Variants in NMT2 observed in about 807,000 individuals in gnomAD.
The protein encoded by NMT2 is N-myristoyltransferase 2, also known as glycylpeptide N-tetradecanoyltransferase 2.
Under a neutral mutation model 65.4 loss-of-function variants are expected in NMT2, and 35 were observed. That is an observed-to-expected ratio of 0.54 (90% CI 0.41 to 0.71). The LOEUF is 0.71. Among genes scored for constraint, NMT2 ranks in the 30% least tolerant of loss-of-function variants. NMT2 has a pLI of 0.00. For missense variants in NMT2, 489 were observed against 611.3 expected (o/e 0.80, Z 2.11); for synonymous variants, 226 against 231.8 (o/e 0.98, Z 0.23).
intron 8 of NMT2, among the ~76,000 whole-genome samples, chr10:15,120,771 A>C (rs567433624): frequency 2.6e-5 from 4 of 152,306 alleles, no homozygotes; most frequent in Admixed American, 6.5e-5. Context: ...GTTCATAGCC[A>C]AGTATTTTCT....
chr10:15,111,157 C>G lies in NMT2; in HGVS notation c.1339-1318G>C, dbSNP rs552216523. 5.9e-5 allele frequency among the ~76,000 whole-genome samples: 9 copies of G among 152,196 alleles called. No homozygotes were observed. The South Asian group carries it at 8.3e-4, about 14-fold the overall frequency. On this transcript the variant is annotated intron_variant, in intron 10 of 11. Transcript: ENST00000378165. ...CATCTCCAGGATTATTAATTATTAG[C>G]CTTTCTAAGTCCTACCTTGGCTGAA...
chr10:15,151,537 C>T lies in NMT2; in HGVS notation c.111-9980G>A, dbSNP rs956521850. ...CCTGGCTTTGTAGACAGTGCAAGGT[C>T]GGAATATAGGAAGAAATATTTTAAA... On this transcript the variant is annotated intron_variant, in intron 1 of 11. Coordinates refer to ENST00000378165, the MANE Select transcript of NMT2 (RefSeq NM_004808.3). 5.9e-5 allele frequency among the ~76,000 whole-genome samples: 9 copies of T among 152,190 alleles called. No homozygotes were observed. In the South Asian group the frequency reaches 6.2e-4, roughly 11 times the overall value.
At chr10:15,133,172 A>G (rs1846344870) in intron 4 of NMT2, 28 bp from the exon 5 acceptor site, 1 of 1,604,874 alleles carries the variant, frequency 6.2e-7, no homozygotes, top group Non-Finnish European at 8.5e-7. Flanking sequence ...TGTCCTATCC[A>G]TGGTGCTCAG....
rs532093099 is a variant in NMT2, at chr10:15,145,244, G to A, written c.111-3687C>T. Among the ~76,000 whole-genome samples, 4 of 152,334 alleles carry A rather than the reference G, an allele frequency of 2.6e-5. 1 individual carries two copies. The South Asian group carries it at 8.3e-4, about 32-fold the overall frequency. On this transcript the variant is annotated intron_variant, in intron 1 of 11. Coordinates refer to ENST00000378165, the MANE Select transcript of NMT2 (RefSeq NM_004808.3). ...TAGATTAGTGGTGGTCAGGGGCTGG[G>A]AAGATGGAGGGCTTGGGCATGATTA...
intron 6 of NMT2, among the ~76,000 whole-genome samples, chr10:15,132,090 C>A (rs1042616985): frequency 6.6e-6 from 1 of 152,098 alleles, no homozygotes; most frequent in Non-Finnish European, 1.5e-5. Context: ...GTCTCGAACT[C>A]CTGACCTCAA....
intron 9 of NMT2, among the ~76,000 whole-genome samples, chr10:15,118,809 A>G (rs895363702): frequency 6.6e-6 from 1 of 152,168 alleles, no homozygotes; most frequent in African/African-American, 2.4e-5. Context: ...ACTGCTCAGG[A>G]CCTTATTGTG....
rs113163812 is a variant in NMT2, at chr10:15,127,587, T to TAAAATAAAATA, written c.999+762_999+763insTATTTTATTTT. On this transcript the variant is annotated intron_variant, in intron 8 of 11. Transcript: ENST00000378165. ...AAAAAAAAATAAATAAATAAATAAA[T>TAAAATAAAATA]AAATAAATAAAATAAAATAAATAAA... Among the ~76,000 whole-genome samples the TAAAATAAAATA allele has an allele frequency of 1.0e-3, 91 of 87,854 alleles. 4 individuals carry two copies. Among genetic ancestry groups the TAAAATAAAATA allele is most frequent in the African/African-American group, 6.3e-3 (86 of 13,642 alleles). The allele number at this position is 87,854 out of a possible 152,430, so 57.6% of individuals were successfully genotyped here. A position where few individuals can be genotyped will look rare whatever the true frequency, so the allele number is the denominator to read the frequency against.
At chr10:15,154,049 G>C (rs769001742) in intron 1 of NMT2, among the ~76,000 whole-genome samples, 2 of 152,210 alleles carry the variant, frequency 1.3e-5, no homozygotes, top group African/African-American at 2.4e-5. Context: ...TTTATCTTTC[G>C]TGAAAAGGTC....
chr10:15,120,837 G>A (rs1207910937), intron 8 of NMT2, among the ~76,000 whole-genome samples: 2 of 152,160 alleles, frequency 1.3e-5, no homozygotes, highest in Non-Finnish European at 2.9e-5. Context: ...TTGTCTAACG[G>A]CAAATGGCTG....
intron 10 of NMT2, among the ~76,000 whole-genome samples, chr10:15,112,224 T>A (rs1157784639): frequency 6.1e-3 from 180 of 29,742 alleles, no homozygotes; most frequent in South Asian, 0.011. Context: ...ATATTTTTTT[T>A]TTTTTTTTTT....
At chr10:15,150,151 C>T (rs1407507005) in intron 1 of NMT2, among the ~76,000 whole-genome samples, 1 of 152,188 alleles carries the variant, frequency 6.6e-6, no homozygotes, top group Non-Finnish European at 1.5e-5. Flanking sequence ...AGGTTCATCA[C>T]ACTACCTGCT....
intron 2 of NMT2, among the ~76,000 whole-genome samples, chr10:15,139,045 C>T (rs1343623977): frequency 2.0e-5 from 3 of 152,064 alleles, no homozygotes; most frequent in African/African-American, 7.2e-5. Context: ...AGCTAGGATA[C>T]AAGCAGGCAG....
intron 1 of NMT2, among the ~76,000 whole-genome samples, chr10:15,167,880 T>C (rs759618388): frequency 9.9e-4 from 150 of 152,142 alleles, no homozygotes; most frequent in Non-Finnish European, 1.8e-4. Context: ...TGAAGAGCTC[T>C]AGGGACAGGC....
At chr10:15,111,328 T>G (rs1295292009) in intron 10 of NMT2, among the ~76,000 whole-genome samples, 1 of 151,268 alleles carries the variant, frequency 6.6e-6, no homozygotes, top group Non-Finnish European at 1.5e-5. Flanking sequence ...CGGGTCAATA[T>G]GATGAAACCC....
At chr10:15,135,190 GTTTTGTT>G (rs1564573991) in intron 3 of NMT2, 77 bp downstream of exon 3, 1 of 1,237,276 alleles carries the variant, frequency 8.1e-7, no homozygotes, top group Non-Finnish European at 1.2e-6. Flanking sequence ...CACTCTTTGT[GTTTTGTT>G]GTTGTTGTTG....
In NMT2 at chr10:15,133,151, G is replaced by C. The variant is rs1386506270; in HGVS notation, c.511-7C>G. The C allele has an allele frequency of 6.2e-7, 1 of 1,608,276 alleles. No homozygotes were observed. The highest frequency in any genetic ancestry group is 1.7e-5 in the Admixed American group (1 of 60,010). ...ACGTGTATAACTCCTTGAGCTATAA[G>C]ATAAAACAAGTGTCCTATCCATGGT... On this transcript the variant is annotated splice_polypyrimidine_tract_variant and splice_region_variant and intron_variant, in intron 4 of 11. Transcript: ENST00000378165.
chr10:15,161,970 T>C (rs947043925), intron 1 of NMT2, among the ~76,000 whole-genome samples: 8 of 152,062 alleles, frequency 5.3e-5, no homozygotes, highest in Non-Finnish European at 1.0e-4. Flanking sequence ...AATGTACAGA[T>C]CGCCGGGCAC....
chr10:15,106,333 T>C lies in NMT2; in HGVS notation c.*2862A>G. 6.5e-6 allele frequency: 1 copy of C among 153,414 alleles called. No homozygotes were observed. The highest frequency in any genetic ancestry group is 1.5e-5 in the Non-Finnish European group (1 of 68,544). The allele number at this position is 153,414 out of a possible 1,614,324, so 9.5% of individuals were successfully genotyped here. ...TTTGAAAACCTACTTTGTATAGACT[T>C]TGTGGCATGAAAATGAGTGGGAAGT... On this transcript the variant is annotated 3_prime_UTR_variant, in exon 12 of 12. Transcript: ENST00000378165.
At chr10:15,156,481 A>G (rs1833004152) in intron 1 of NMT2, among the ~76,000 whole-genome samples, 1 of 152,178 alleles carries the variant, frequency 6.6e-6, no homozygotes, top group Admixed American at 6.6e-5. Context: ...AGAACGGACT[A>G]ATACGGGGCG....
Sources: allele counts gnomAD v4.1 joint callset (sites outside exome capture counted in the v4.1 genomes callset), GRCh38; gene constraint gnomAD v4.1.1; transcripts MANE v1.5; gene names NCBI Gene and HGNC (gene_info 2026-07-23, HGNC 2026-07-21).